The following SLC38A6 variants were observed in gnomAD, a reference collection of about 807,000 sequenced individuals.
The protein encoded by SLC38A6 is N system amino acid transporter NAT-1.
In SLC38A6, 73 loss-of-function variants were observed where a neutral mutation model predicts 65.0. The observed-to-expected ratio is 1.12, with a 90% CI of 0.93 to 1.37. The LOEUF is 1.37. SLC38A6 is among the 40% of genes most tolerant of loss of function. SLC38A6 has a pLI of 0.00. For synonymous variants in SLC38A6, 183 were observed against 178.8 expected, an observed-to-expected ratio of 1.02 and a Z score of -0.19; for missense variants, 561 against 531.1, an observed-to-expected ratio of 1.06 and a Z score of -0.55.
intron 12 of SLC38A6, among the ~76,000 whole-genome samples, chr14:61,047,955 T>TTAGATAGA (rs200441090): frequency 4.0e-5 from 6 of 149,788 alleles, no homozygotes; most frequent in African/African-American, 1.5e-4. Context: ...AGATGATAGA[T>TTAGATAGA]TAGATAGATA....
chr14:61,083,041 GT>G (rs1000026648), intron 16 of SLC38A6, among the ~76,000 whole-genome samples: 2 of 152,210 alleles, frequency 1.3e-5, no homozygotes, highest in Non-Finnish European at 2.9e-5. Context: ...GAACTTAAGA[GT>G]TTGGTTTGCA....
rs1008200287 is a variant in SLC38A6 at position 61,052,423 on chromosome 14, TAAATA to T, written c.1369_*2del. 4 of 1,559,344 alleles carry T rather than the reference TAAATA, an allele frequency of 2.6e-6. No individual in the cohort carries two copies. In the African/African-American group the frequency reaches 5.6e-5, roughly 22 times the overall value. ...CACTCATCATTTTTGATTGGATTAA[TAAATA>T]AAAGAAATATTTTCCTACTTCTTAC... On this transcript the variant is annotated frameshift_variant and stop_lost, in exon 16 of 16. Coordinates refer to ENST00000267488, the MANE Select transcript of SLC38A6 (RefSeq NM_153811.3). LOFTEE classifies it high-confidence loss of function.
chr14:61,028,145 A>G lies in SLC38A6; in HGVS notation c.404-2300A>G, dbSNP rs117414117. On this transcript the variant is annotated intron_variant, in intron 5 of 15. Coordinates refer to ENST00000267488, the MANE Select transcript of SLC38A6 (RefSeq NM_153811.3). Reference sequence around the variant, plus strand: ...ATAGAAATTCTGGAAAGAATGACAGATATTATATTAGAAAGAAATAGGATC... The same window carrying G: ...ATAGAAATTCTGGAAAGAATGACAGGTATTATATTAGAAAGAAATAGGATC... 4.9e-3 allele frequency among the ~76,000 whole-genome samples: 746 copies of G among 152,194 alleles called. 6 individuals carry two copies. Among genetic ancestry groups the G allele is most frequent in the Non-Finnish European group, 8.7e-3 (589 of 67,962 alleles).
intron 12 of SLC38A6, 97 bp from the exon 13 acceptor site, chr14:61,050,415 T>C (rs1279010356): frequency 1.3e-6 from 1 of 788,966 alleles, no homozygotes; most frequent in South Asian, 5.1e-5. Flanking sequence ...AATGGGAATC[T>C]AAAATCTGTT....
At chr14:60,996,924 A>G (rs1050889961) in intron 3 of SLC38A6, among the ~76,000 whole-genome samples, 2 of 152,218 alleles carry the variant, frequency 1.3e-5, no homozygotes, top group South Asian at 2.1e-4. Flanking sequence ...AGTTTGAACA[A>G]TGACATTTTC....
intron 15 of SLC38A6, among the ~76,000 whole-genome samples, chr14:61,072,078 G>A (rs1353451659): frequency 1.3e-5 from 2 of 152,160 alleles, no homozygotes; most frequent in East Asian, 3.9e-4. Context: ...GTACCAACAC[G>A]TTTGGTGTCT....
Position 61,052,143 on chromosome 14 carries a change from GT to G in SLC38A6, c.1290+13del, listed in dbSNP as rs1225583137. ...TCATGGAAAAAGCTTGGGGTAGGTT[GT>G]TTTTGTTTCTTTCTTTCAAGACTTC... is the stretch of plus-strand genomic sequence containing the variant. On this transcript the variant is annotated intron_variant, in intron 15 of 15. Coordinates refer to ENST00000267488, the MANE Select transcript of SLC38A6 (RefSeq NM_153811.3). The G allele has an allele frequency of 3.2e-6, 5 of 1,539,366 alleles. No homozygotes were observed. The highest frequency in any genetic ancestry group is 4.3e-6 in the Non-Finnish European group (5 of 1,152,604).
At chr14:61,062,959 A>G (rs907619148) in intron 15 of SLC38A6, among the ~76,000 whole-genome samples, 1 of 152,186 alleles carries the variant, frequency 6.6e-6, no homozygotes, top group Admixed American at 6.5e-5. Context: ...GATTACAGGC[A>G]TGAGCTACCA....
chr14:61,066,444 T>G (rs1051829519), intron 15 of SLC38A6, among the ~76,000 whole-genome samples: 2 of 151,792 alleles, frequency 1.3e-5, no homozygotes, highest in African/African-American at 4.8e-5. Flanking sequence ...GGTGGGCAGG[T>G]GGGAATAAGA....
At chr14:61,020,924 GT>G (rs1341086693) in intron 5 of SLC38A6, among the ~76,000 whole-genome samples, 8 of 152,134 alleles carry the variant, frequency 5.3e-5, no homozygotes, top group Non-Finnish European at 8.8e-5. Flanking sequence ...TATGTAGACT[GT>G]TCAGTTCAGC....
chr14:61,064,514 A>G (rs961384869), intron 15 of SLC38A6, among the ~76,000 whole-genome samples: 1 of 151,120 alleles, frequency 6.6e-6, no homozygotes, highest in African/African-American at 2.4e-5. Context: ...CTTAGTAGCA[A>G]GAAAAATTAT....
chr14:61,069,530 C>T (rs1350402124), intron 15 of SLC38A6, among the ~76,000 whole-genome samples: 9 of 152,016 alleles, frequency 5.9e-5, no homozygotes, highest in Non-Finnish European at 1.0e-4. Flanking sequence ...TATTGTTACT[C>T]CTCTCCCTAC....
intron 3 of SLC38A6, among the ~76,000 whole-genome samples, chr14:60,992,692 CT>C (rs75046082): frequency 7.3e-4 from 106 of 145,432 alleles, no homozygotes; most frequent in Admixed American, 1.2e-3. Context: ...TTAAAGATAA[CT>C]TTTTTTTTTT....
intron 16 of SLC38A6, among the ~76,000 whole-genome samples, chr14:61,081,013 G>A (rs536752550): frequency 3.3e-5 from 5 of 152,252 alleles, no homozygotes; most frequent in African/African-American, 9.6e-5. Flanking sequence ...CTTGGATTTC[G>A]GTTTTCTGGC....
chr14:61,060,821 G>A (rs1361625828), intron 15 of SLC38A6, among the ~76,000 whole-genome samples: 4 of 97,686 alleles, frequency 4.1e-5, no homozygotes, highest in South Asian at 4.2e-4. Context: ...ATATAGTCTC[G>A]TGGTGCGCCG....
At chr14:61,009,509 G>A (rs979606043) in intron 3 of SLC38A6, among the ~76,000 whole-genome samples, 2 of 151,982 alleles carry the variant, frequency 1.3e-5, no homozygotes, top group Non-Finnish European at 2.9e-5. Flanking sequence ...TTAGCATTAG[G>A]TATATCTCCT....
intron 13 of SLC38A6, 126 bp downstream of exon 13, chr14:61,050,762 A>G (rs1668639735): frequency 5.5e-6 from 5 of 907,610 alleles, no homozygotes; most frequent in Non-Finnish European, 7.5e-6. Flanking sequence ...TTGTCAAGTA[A>G]TTGATCAAAG....
chr14:61,067,223 A>G (rs973910582), intron 15 of SLC38A6, among the ~76,000 whole-genome samples: 1 of 152,070 alleles, frequency 6.6e-6, no homozygotes, highest in African/African-American at 2.4e-5. Context: ...CTTGCTGAAG[A>G]CTCAATATTT....
At chr14:60,997,735 G>T (rs1002309777) in intron 3 of SLC38A6, among the ~76,000 whole-genome samples, 3 of 152,216 alleles carry the variant, frequency 2.0e-5, no homozygotes, top group Non-Finnish European at 4.4e-5. Flanking sequence ...AGTTCCAGTT[G>T]AGAGGAGCTG....
Sources: gnomAD v4.1 joint callset for allele counts (sites outside exome capture counted in the v4.1 genomes callset) on GRCh38, gnomAD v4.1.1 for gene constraint, MANE v1.5 for transcripts, NCBI Gene and HGNC (gene_info 2026-07-23, HGNC 2026-07-21) for gene names.